Variants in PIP4P2 observed in about 807,000 individuals in gnomAD.
PIP4P2 encodes the protein type 2 phosphatidylinositol 4,5-bisphosphate 4-phosphatase.
PIP4P2 carries 19 observed loss-of-function variants against 33.3 expected under a neutral mutation model. The observed-to-expected ratio is 0.57, with a 90% confidence interval of 0.40 to 0.84. The LOEUF (loss-of-function observed/expected upper bound fraction) is 0.84. Ranked by LOEUF, PIP4P2 falls within the 40% of genes least tolerant of loss-of-function variation. The probability of loss-of-function intolerance (pLI) is 0.00; values close to 1 mark genes in which losing one functional copy is unlikely to be tolerated. For synonymous variants in PIP4P2, 110 were observed against 111.9 expected (o/e 0.98, Z 0.11); for missense variants, 270 against 324.7 (o/e 0.83, Z 1.29).
intron 5 of PIP4P2, among the ~76,000 whole-genome samples, chr8:90,998,676 T>C (rs1250386850): frequency 6.6e-6 from 1 of 152,190 alleles, no homozygotes. Context: ...GGATTCCCTA[T>C]TCAATAAATG....
intron 1 of PIP4P2, among the ~76,000 whole-genome samples, chr8:91,022,896 G>A (rs1412029644): frequency 6.6e-6 from 1 of 152,112 alleles, no homozygotes; most frequent in Non-Finnish European, 1.5e-5. Context: ...TTATGTTTCT[G>A]GGAGGCTTAT....
chr8:91,040,589 C>A (rs1812292093), intron 1 of PIP4P2, 55 bp downstream of exon 1: 3 of 1,590,552 alleles, frequency 1.9e-6, no homozygotes, highest in Admixed American at 3.3e-5. Context: ...TCCTTCTGGG[C>A]GTTTCCTTGC....
intron 1 of PIP4P2, among the ~76,000 whole-genome samples, chr8:91,039,945 T>G (rs1370426231): frequency 6.6e-6 from 1 of 152,190 alleles, no homozygotes; most frequent in Admixed American, 6.5e-5. Context: ...ACAAGTTAAT[T>G]TCAATCTCAC....
At chr8:91,026,059 C>A (rs1042645516) in intron 1 of PIP4P2, among the ~76,000 whole-genome samples, 4 of 152,292 alleles carry the variant, frequency 2.6e-5, no homozygotes, top group Non-Finnish European at 5.9e-5. Context: ...AGTTCCAAAT[C>A]CACCTTTACT....
intron 6 of PIP4P2, among the ~76,000 whole-genome samples, chr8:90,996,416 C>T (rs762146208): frequency 4.0e-5 from 6 of 151,626 alleles, no homozygotes; most frequent in Non-Finnish European, 8.8e-5. Context: ...TGATAAAATC[C>T]CCAACAGTAA....
rs778458462 is a variant in PIP4P2, at chr8:91,020,181, C to A, written c.338G>T (p.Arg113Leu). ...CCAGTTGGGTCTTGGGCATCCTATTCGCCGAGATGTGTCCTTACAAATGAG... is the reference window on the plus strand; with the variant it reads ...CCAGTTGGGTCTTGGGCATCCTATTAGCCGAGATGTGTCCTTACAAATGAG... ...CLLICKDTSRRIGCPRPNCRR... is the reference protein window; with the variant it reads ...CLLICKDTSRLIGCPRPNCRR... The change falls in exon 3 of 7, where the codon CGA becomes CTA. Residue 113 changes from arginine (R) to leucine (L), a missense_variant. Physicochemically the swap from Arg to Leu is moderately radical, Grantham distance 102 (BLOSUM62 -2). Transcript: ENST00000285419. The A allele has an allele frequency of 1.1e-5, 18 of 1,613,678 alleles. No individual in the cohort carries two copies. Among genetic ancestry groups the A allele is most frequent in the Non-Finnish European group, 1.2e-5 (14 of 1,179,756 alleles).
intron 5 of PIP4P2, among the ~76,000 whole-genome samples, chr8:91,001,412 A>AC: frequency 6.6e-6 from 1 of 152,144 alleles, no homozygotes; most frequent in East Asian, 1.9e-4. Flanking sequence ...TGCCTGCCAC[A>AC]CCATCATTAA....
At chr8:91,003,432 T>C (rs1371171770) in intron 5 of PIP4P2, among the ~76,000 whole-genome samples, 1 of 152,124 alleles carries the variant, frequency 6.6e-6, no homozygotes, top group Non-Finnish European at 1.5e-5. Context: ...TGATAAAAAA[T>C]ACACTAATAT....
intron 5 of PIP4P2, among the ~76,000 whole-genome samples, chr8:91,004,537 G>A (rs1563562010): frequency 6.6e-6 from 1 of 152,136 alleles, no homozygotes; most frequent in Non-Finnish European, 1.5e-5. Context: ...AAATGCTACA[G>A]AGAAAACAAG....
At chr8:91,027,392 C>T (rs1006979817) in intron 1 of PIP4P2, among the ~76,000 whole-genome samples, 6 of 152,204 alleles carry the variant, frequency 3.9e-5, no homozygotes, top group African/African-American at 1.4e-4. Flanking sequence ...ATGCCCTTGC[C>T]TGAGGCAGTT....
chr8:91,008,660 A>C (rs973923468), intron 5 of PIP4P2, 83 bp downstream of exon 5: 1 of 1,331,614 alleles, frequency 7.5e-7, no homozygotes, highest in African/African-American at 1.4e-5. Context: ...TTTAAAATCA[A>C]AATCTACTTA....
chr8:90,997,667 T>C (rs1811646399), intron 5 of PIP4P2, among the ~76,000 whole-genome samples: 2 of 152,096 alleles, frequency 1.3e-5, no homozygotes, highest in Admixed American at 6.6e-5. Context: ...CATATATTTA[T>C]TACTATATAC....
intron 1 of PIP4P2, among the ~76,000 whole-genome samples, chr8:91,035,402 A>G (rs1284876330): frequency 6.6e-6 from 1 of 152,234 alleles, no homozygotes. Context: ...AAAGTCCCTA[A>G]TGATCTCCAT....
At chr8:91,036,512 G>C (rs1563570467) in intron 1 of PIP4P2, among the ~76,000 whole-genome samples, 1 of 152,038 alleles carries the variant, frequency 6.6e-6, no homozygotes, top group Non-Finnish European at 1.5e-5. Context: ...CCATCATCAA[G>C]CCCTGTTCAA....
chr8:91,018,056 T>C (rs1028364060), intron 4 of PIP4P2, among the ~76,000 whole-genome samples: 2 of 152,186 alleles, frequency 1.3e-5, no homozygotes, highest in Non-Finnish European at 2.9e-5. Context: ...ATTGTGCACT[T>C]TGACCTCTGC....
At chr8:91,029,810 A>G (rs1321172163) in intron 1 of PIP4P2, among the ~76,000 whole-genome samples, 2 of 152,130 alleles carry the variant, frequency 1.3e-5, no homozygotes, top group Admixed American at 1.3e-4. Flanking sequence ...CTCTAAAAAT[A>G]CAAAGAATTA....
intron 5 of PIP4P2, among the ~76,000 whole-genome samples, chr8:90,997,055 C>G (rs1244460236): frequency 6.6e-6 from 1 of 151,830 alleles, no homozygotes; most frequent in African/African-American, 2.4e-5. Context: ...AAATCTATTT[C>G]AGAATGGAAA....
rs1811603397 is a variant in PIP4P2 at position 90,994,538 on chromosome 8, CT to C, written c.*1138del. 6.6e-6 allele frequency: 1 copy of C among 152,478 alleles called. No individual in the cohort carries two copies. The highest frequency in any genetic ancestry group is 1.5e-5 in the Non-Finnish European group (1 of 67,944). 9.4% of individuals were successfully genotyped at this position (152,478 alleles called of 1,614,324 possible). On this transcript the variant is annotated 3_prime_UTR_variant, in exon 7 of 7. Transcript: ENST00000285419. ...TAGAACATTTGTGATTAAGCAATTT[CT>C]TTTTCAAAACTGCAAAGATGGGCAG...
At chr8:91,038,135 C>T (rs1248876121) in intron 1 of PIP4P2, among the ~76,000 whole-genome samples, 1 of 152,126 alleles carries the variant, frequency 6.6e-6, no homozygotes, top group Non-Finnish European at 1.5e-5. Flanking sequence ...TGTGCTAAAA[C>T]CAAACACACA....
Sources: gnomAD v4.1 joint callset for allele counts (sites outside exome capture counted in the v4.1 genomes callset) on GRCh38, gnomAD v4.1.1 for gene constraint, MANE v1.5 for transcripts, NCBI Gene and HGNC (gene_info 2026-07-23, HGNC 2026-07-21) for gene names.